Variants in SOX5 observed in about 807,000 individuals in gnomAD.
The protein encoded by SOX5 is SRY-box transcription factor 5.
A neutral mutation model predicts 92.0 loss-of-function variants in SOX5; 9 were observed. That is an observed-to-expected ratio of 0.10 (90% CI 0.06 to 0.17). The LOEUF is 0.17. SOX5 is among the 10% of genes least tolerant of loss of function. The pLI is 1.00. For synonymous variants in SOX5, 344 were observed against 336.3 expected, an observed-to-expected ratio of 1.02 and a Z score of -0.25; for missense variants, 642 against 944.5, an observed-to-expected ratio of 0.68 and a Z score of 4.20.
chr12:23,542,848 G>C (rs1942378131), intron 13 of SOX5, among the ~76,000 whole-genome samples: 7 of 152,130 alleles, frequency 4.6e-5, no homozygotes, highest in Admixed American at 3.9e-4. Flanking sequence ...AAGATTAACA[G>C]TAAGTTGTCT....
chr12:24,103,556 A>C (rs1337003636), intron 4 of SOX5, among the ~76,000 whole-genome samples: 1 of 152,144 alleles, frequency 6.6e-6, no homozygotes, highest in Non-Finnish European at 1.5e-5. Context: ...GGGTCTTGCT[A>C]TGTTGCCCAG....
intron 4 of SOX5, among the ~76,000 whole-genome samples, chr12:23,752,933 C>A (rs2094226860): frequency 6.6e-6 from 1 of 151,764 alleles, no homozygotes; most frequent in Non-Finnish European, 1.5e-5. Context: ...AACTTTAAAA[C>A]CTAATTCACA....
At chr12:23,779,788 AATATATATAT>A (rs1172787679) in intron 3 of SOX5, among the ~76,000 whole-genome samples, 5 of 110,528 alleles carry the variant, frequency 4.5e-5, no homozygotes, top group Admixed American at 3.6e-4. Flanking sequence ...CACAGATTAA[AATATATATAT>A]ATATATATAT....
chr12:24,039,182 T>C (rs944102757), intron 4 of SOX5, among the ~76,000 whole-genome samples: 5 of 152,124 alleles, frequency 3.3e-5, no homozygotes, highest in Non-Finnish European at 5.9e-5. Flanking sequence ...TCCCAACACA[T>C]GTGAGTCACT....
chr12:23,658,303 C>G (rs1343974369), intron 7 of SOX5, among the ~76,000 whole-genome samples: 1 of 152,096 alleles, frequency 6.6e-6, no homozygotes, highest in African/African-American at 2.4e-5. Context: ...AAACACTTTT[C>G]TCATGAGAAG....
In SOX5 at chr12:24,349,606, A is replaced by G. The variant is rs553901433; in HGVS notation, c.-174+18957T>C. Among the ~76,000 whole-genome samples, 6 of 152,344 alleles carry G rather than the reference A, an allele frequency of 3.9e-5. No individual in the cohort carries two copies. In the South Asian group the frequency reaches 1.0e-3, roughly 26 times the overall value. On this transcript the variant is annotated intron_variant, in intron 2 of 4. Transcript: ENST00000446891. ...GCTTATTCATATAATAGCATGTGTC[A>G]GAATTTCCTTCCTTTTTAAAGCTGA...
At chr12:23,604,253 G>T in intron 9 of SOX5, 134 bp downstream of exon 9, 3 of 780,314 alleles carry the variant, frequency 3.8e-6, no homozygotes, top group South Asian at 1.7e-5. Flanking sequence ...CACACCTGTT[G>T]CCCTTACTTG....
chr12:23,550,491 AG>A (rs1382929884), intron 11 of SOX5, among the ~76,000 whole-genome samples: 1 of 151,852 alleles, frequency 6.6e-6, no homozygotes, highest in Non-Finnish European at 1.5e-5. Flanking sequence ...TTGAAAAGAC[AG>A]GGAATCTAAC....
intron 6 of SOX5, among the ~76,000 whole-genome samples, chr12:23,694,473 C>T (rs1450312624): frequency 2.0e-5 from 3 of 152,150 alleles, no homozygotes; most frequent in Non-Finnish European, 4.4e-5. Context: ...TCACATTTCT[C>T]ATCTAGTTGA....
At chr12:24,331,847 T>A (rs1436275257) in intron 2 of SOX5, among the ~76,000 whole-genome samples, 1 of 10,304 alleles carries the variant, frequency 9.7e-5, no homozygotes, top group Non-Finnish European at 1.7e-4. Context: ...CAAGACTGTC[T>A]CAAAAAAAAA....
intron 4 of SOX5, among the ~76,000 whole-genome samples, chr12:24,058,531 TC>T (rs1455555059): frequency 6.6e-6 from 1 of 152,226 alleles, no homozygotes; most frequent in African/African-American, 2.4e-5. Context: ...CAGTAAATTT[TC>T]TTTGCTGGTA....
intron 3 of SOX5, among the ~76,000 whole-genome samples, chr12:24,267,677 TA>T (rs1462959836): frequency 6.6e-6 from 1 of 152,148 alleles, no homozygotes; most frequent in Admixed American, 6.5e-5. Flanking sequence ...TTTGTCTTTC[TA>T]AAGAAAGACA....
chr12:23,954,508 T>C (rs1946049274), upstream of SOX5, among the ~76,000 whole-genome samples: 2 of 151,974 alleles, frequency 1.3e-5, no homozygotes, highest in Admixed American at 1.3e-4. Context: ...TATACATCTG[T>C]GAGTCATTCA....
At chr12:23,795,303 A>G (rs1437210827) in intron 3 of SOX5, among the ~76,000 whole-genome samples, 2 of 151,858 alleles carry the variant, frequency 1.3e-5, no homozygotes, top group African/African-American at 4.8e-5. Context: ...CTTGTATAAG[A>G]TTTTTCAAAG....
chr12:24,131,577 T>C (rs1008513862), intron 4 of SOX5, among the ~76,000 whole-genome samples: 5 of 152,206 alleles, frequency 3.3e-5, no homozygotes, highest in African/African-American at 4.8e-5. Flanking sequence ...ACTTTAAATA[T>C]GCAGCATTAA....
At chr12:23,802,863 T>C (rs2095688858) in intron 3 of SOX5, among the ~76,000 whole-genome samples, 1 of 152,216 alleles carries the variant, frequency 6.6e-6, no homozygotes, top group African/African-American at 2.4e-5. Context: ...TCTTGCAGTC[T>C]GGCTTCTGAT....
chr12:24,190,264 T>C (rs1188355242), intron 4 of SOX5, among the ~76,000 whole-genome samples: 1 of 152,210 alleles, frequency 6.6e-6, no homozygotes, highest in Non-Finnish European at 1.5e-5. Flanking sequence ...AGACCCTGTG[T>C]CATTTCCAAA....
At chr12:23,625,658 G>A (rs1297293775) in intron 8 of SOX5, among the ~76,000 whole-genome samples, 1 of 152,160 alleles carries the variant, frequency 6.6e-6, no homozygotes, top group Non-Finnish European at 1.5e-5. Flanking sequence ...TGCCCAGGCT[G>A]GTGTGCGGTG....
At chr12:24,173,624 T>C (rs1005919902) in intron 4 of SOX5, among the ~76,000 whole-genome samples, 2 of 151,650 alleles carry the variant, frequency 1.3e-5, no homozygotes, top group Admixed American at 1.3e-4. Context: ...GTTATCAATC[T>C]TGGGTGCACA....
Sources: allele counts gnomAD v4.1 joint callset (sites outside exome capture counted in the v4.1 genomes callset), GRCh38; gene constraint gnomAD v4.1.1; transcripts MANE v1.5; gene names NCBI Gene and HGNC (gene_info 2026-07-23, HGNC 2026-07-21).